Variants in SGIP1 observed in about 807,000 individuals in gnomAD.
The protein encoded by SGIP1 is SH3-containing GRB2-like protein 3-interacting protein 1.
Under a neutral mutation model 107.5 loss-of-function variants are expected in SGIP1, and 38 were observed. That is an observed-to-expected ratio of 0.35 (90% CI 0.27 to 0.46). The LOEUF is 0.46. Among genes scored for constraint, SGIP1 ranks in the 20% least tolerant of loss-of-function variants. SGIP1 has a pLI of 1.00. For synonymous variants in SGIP1, 365 were observed against 366.1 expected, an observed-to-expected ratio of 1.00 and a Z score of 0.03; for missense variants, 929 against 1,019.5, an observed-to-expected ratio of 0.91 and a Z score of 1.21.
At chr1:66,629,649 A>G (rs2073812869) in intron 2 of SGIP1, among the ~76,000 whole-genome samples, 2 of 152,194 alleles carry the variant, frequency 1.3e-5, no homozygotes, top group African/African-American at 4.8e-5. Context: ...ATGGTAGATG[A>G]TTCTTTTTAA....
chr1:66,689,074 C>A, intron 15 of SGIP1, 74 bp from the exon 16 acceptor site: 4 of 1,417,558 alleles, frequency 2.8e-6, no homozygotes, highest in Non-Finnish European at 3.8e-6. Context: ...ATGTCCGGGA[C>A]TGGCATTATA....
intron 1 of SGIP1, among the ~76,000 whole-genome samples, chr1:66,570,874 C>T (rs1441848174): frequency 6.6e-6 from 1 of 151,908 alleles, no homozygotes; most frequent in Middle Eastern, 3.2e-3. Context: ...TGTCTCAGGT[C>T]ATATCCACTT....
rs1558133108 is a variant in SGIP1 at position 66,630,845 on chromosome 1, A to AGAGAGAGAGAGAG, written c.75-2225_75-2224insGAGAGAGAGAGAG. ...AAAGAAAGAAAGAAAGAAAGAAAGA[A>AGAGAGAGAGAGAG]AGAAAGAAAGAAAGAAAGAAAGAAA... is the stretch of plus-strand genomic sequence containing the variant. On this transcript the variant is annotated intron_variant, in intron 2 of 24. Transcript: ENST00000371037. Among the ~76,000 whole-genome samples the AGAGAGAGAGAGAG allele has an allele frequency of 5.6e-4, 14 of 25,216 alleles. 3 individuals are homozygous for AGAGAGAGAGAGAG. Among genetic ancestry groups the AGAGAGAGAGAGAG allele is most frequent in the East Asian group, 5.1e-3 (2 of 394 alleles). 16.5% of individuals were successfully genotyped at this position (25,216 alleles called of 152,430 possible). A position where few individuals can be genotyped will look rare whatever the true frequency, so the allele number is the denominator to read the frequency against.
intron 1 of SGIP1, among the ~76,000 whole-genome samples, chr1:66,559,586 A>T (rs1024260457): frequency 1.0e-3 from 156 of 152,218 alleles, no homozygotes; most frequent in African/African-American, 3.7e-3. Context: ...TGGCTCCGCA[A>T]TGTCTTCAAA....
Position 66,682,183 on chromosome 1 carries a change from G to A in SGIP1, c.1129G>A (p.Glu377Lys), listed in dbSNP as rs763660406. 4 of 1,614,180 alleles carry A rather than the reference G, an allele frequency of 2.5e-6. No individual in the cohort carries two copies. The highest frequency in any genetic ancestry group is 1.6e-4 in the Middle Eastern group (1 of 6,062). Residue 377 changes from glutamate (E) to lysine (K), a missense_variant, in exon 15 of 25, where the codon GAA becomes AAA. Physicochemically the swap from Glu to Lys is moderately conservative, Grantham distance 56. Coordinates refer to ENST00000371037, the MANE Select transcript of SGIP1 (RefSeq NM_032291.4). ...PRNVLSPLNL[E>K]EVQKKVAEQT... ...CAATGTACTATCGCCGCTCAATTTA[G>A]AAGAAGTCCAGAAGAAAGTCGCTGA...
intron 18 of SGIP1, among the ~76,000 whole-genome samples, chr1:66,714,931 A>G (rs756570305): frequency 6.6e-5 from 10 of 152,164 alleles, no homozygotes; most frequent in Non-Finnish European, 1.2e-4. Flanking sequence ...GTTTTCCAAT[A>G]ATGCTACTAA....
chr1:66,675,558 T>TTTTTTTTTTTTTTTTTTTTTTTTTTTTTC (rs2085086053), intron 12 of SGIP1, among the ~76,000 whole-genome samples: 1 of 143,820 alleles, frequency 7.0e-6, no homozygotes, highest in African/African-American at 2.6e-5. Flanking sequence ...TTTTTTTTTT[T>TTTTTTTTTTTTTTTTTTTTTTTTTTTTTC]TGACAGAATC....
At chr1:66,603,195 G>A (rs936588437) in intron 1 of SGIP1, among the ~76,000 whole-genome samples, 1 of 152,190 alleles carries the variant, frequency 6.6e-6, no homozygotes, top group African/African-American at 2.4e-5. Context: ...TTGAGGACAA[G>A]GTATTAACAG....
At position 66,745,973 on chromosome 1, in the gene SGIP1, C is replaced by G. The variant is rs960880226; in HGVS notation, c.*2878C>G. 2.0e-5 allele frequency: 3 copies of G among 152,056 alleles called. No homozygotes were observed. Among genetic ancestry groups the G allele is most frequent in the Non-Finnish European group, 2.9e-5 (2 of 67,962 alleles). 9.4% of individuals were successfully genotyped at this position (152,056 alleles called of 1,614,324 possible). ...CACCCACAGCCAAAATGGAAATTCA[C>G]TGTATGGTATTTGGGAATATATTTC... On this transcript the variant is annotated 3_prime_UTR_variant, in exon 25 of 25. Coordinates refer to ENST00000371037, the MANE Select transcript of SGIP1 (RefSeq NM_032291.4).
intron 18 of SGIP1, among the ~76,000 whole-genome samples, chr1:66,701,404 A>C (rs184342496): frequency 6.6e-6 from 1 of 152,340 alleles, no homozygotes; most frequent in African/African-American, 2.4e-5. Context: ...TTGGGGAAAC[A>C]ATACAGAAAC....
intron 1 of SGIP1, among the ~76,000 whole-genome samples, chr1:66,564,483 A>G (rs540815427): frequency 2.0e-5 from 3 of 151,898 alleles, no homozygotes; most frequent in African/African-American, 4.8e-5. Context: ...GACCTGACCA[A>G]TATAAACAAA....
chr1:66,614,117 A>G (rs533822634), intron 1 of SGIP1, among the ~76,000 whole-genome samples: 32 of 152,250 alleles, frequency 2.1e-4, no homozygotes, highest in Non-Finnish European at 7.3e-5. Context: ...TCTGAGAATC[A>G]TTAGTAGAGC....
chr1:66,629,900 T>C (rs768380606), intron 2 of SGIP1, among the ~76,000 whole-genome samples: 15 of 152,216 alleles, frequency 9.9e-5, no homozygotes, highest in East Asian at 1.9e-4. Flanking sequence ...TCTTCACTTA[T>C]GTTAGTCCAC....
At chr1:66,694,415 C>A (rs1328551809) in intron 17 of SGIP1, 3 of 1,597,406 alleles carry the variant, frequency 1.9e-6, no homozygotes, top group African/African-American at 2.7e-5. Context: ...GTTTTCCATT[C>A]GTTTATGTTT....
rs1348113205 is a variant in SGIP1 at position 66,695,318 on chromosome 1, A to T, written c.1571-116A>T. ...TTTTTCCTGCACGCTAATGGCATGT[A>T]GTGCCTCCACCCTTCCCTATAGTGA... On this transcript the variant is annotated intron_variant, in intron 17 of 24. Transcript: ENST00000371037. The T allele has an allele frequency of 2.5e-6, 4 of 1,570,476 alleles. No homozygotes were observed. The East Asian group carries it at 9.7e-5, about 38-fold the overall frequency.
chr1:66,581,076 T>C (rs1209230425), intron 1 of SGIP1, among the ~76,000 whole-genome samples: 1 of 152,104 alleles, frequency 6.6e-6, no homozygotes, highest in Non-Finnish European at 1.5e-5. Context: ...TCGTCACAAT[T>C]ACTTATCTTC....
chr1:66,579,216 C>T (rs1329829577), intron 1 of SGIP1, among the ~76,000 whole-genome samples: 3 of 152,108 alleles, frequency 2.0e-5, no homozygotes, highest in East Asian at 3.9e-4. Flanking sequence ...GACTACCTAT[C>T]CTACCATGTC....
chr1:66,620,730 C>G (rs2070840946), intron 1 of SGIP1, among the ~76,000 whole-genome samples: 1 of 152,164 alleles, frequency 6.6e-6, no homozygotes, highest in Admixed American at 6.5e-5. Context: ...AAAGCCAAAC[C>G]ATGTCACATA....
chr1:66,659,260 C>T (rs1570814), intron 7 of SGIP1, among the ~76,000 whole-genome samples: 21,376 of 152,182 alleles, frequency 0.14, 2,315 homozygotes, highest in East Asian at 0.52. Context: ...AGCTCATGTG[C>T]TGTCAGTGAA....
Sources: allele counts gnomAD v4.1 joint callset (sites outside exome capture counted in the v4.1 genomes callset), GRCh38; gene constraint gnomAD v4.1.1; transcripts MANE v1.5; gene names NCBI Gene and HGNC (gene_info 2026-07-23, HGNC 2026-07-21).